RMST: variants seen among roughly 807,000 people sequenced by gnomAD.
RMST encodes the protein rhabdomyosarcoma 2 associated transcript, also known as long intergenic non-protein coding RNA 54.
chr12:97,470,232 T>A (rs1314230736), intron 5 of RMST, among the ~76,000 whole-genome samples: 1 of 152,120 alleles, frequency 6.6e-6, no homozygotes, highest in Non-Finnish European at 1.5e-5. Flanking sequence ...AGCGAGATAA[T>A]GCTCCACATT....
intron 10 of RMST, among the ~76,000 whole-genome samples, chr12:97,496,827 C>T (rs1212615383): frequency 6.6e-6 from 1 of 152,148 alleles, no homozygotes; most frequent in East Asian, 1.9e-4. Context: ...TGAATATTAT[C>T]AGTTTGCATT....
rs1305245294 is a variant in RMST, at chr12:97,528,932, G to A, written n.1341-1723G>A. Among the ~76,000 whole-genome samples the A allele has an allele frequency of 3.3e-5, 5 of 152,082 alleles. No individual in the cohort carries two copies. In the South Asian group the frequency reaches 1.0e-3, roughly 32 times the overall value. ...ATATCACAGATTCTTTGTCCTTGACGTTGTGCCACAACACACTCTTGTCCT... is the reference window on the plus strand; with the variant it reads ...ATATCACAGATTCTTTGTCCTTGACATTGTGCCACAACACACTCTTGTCCT... On this transcript the variant is annotated intron_variant and non_coding_transcript_variant, in intron 10 of 13. Coordinates refer to ENST00000640149, the Ensembl canonical transcript of RMST.
chr12:97,540,176 T>C (rs1175222485), intron 11 of RMST, among the ~76,000 whole-genome samples: 2 of 151,698 alleles, frequency 1.3e-5, no homozygotes, highest in African/African-American at 2.4e-5. Context: ...GTCACAGCTT[T>C]ACCACTGAGT....
At chr12:97,538,872 AAAATGATTCAC>A (rs1422557952) in intron 11 of RMST, among the ~76,000 whole-genome samples, 1 of 151,462 alleles carries the variant, frequency 6.6e-6, no homozygotes. Context: ...AAAATTTGTG[AAAATGATTCAC>A]AAATGATTCA....
intron 11 of RMST, among the ~76,000 whole-genome samples, chr12:97,558,749 G>T (rs1883888384): frequency 6.6e-6 from 1 of 152,116 alleles, no homozygotes; most frequent in African/African-American, 2.4e-5. Flanking sequence ...TTCAATTTGT[G>T]TCTCAGGGAA....
intron 9 of RMST, among the ~76,000 whole-genome samples, chr12:97,495,580 A>G (rs1599851): frequency 6.6e-6 from 1 of 151,726 alleles, no homozygotes. Flanking sequence ...CCTGTATACT[A>G]TACTAAAATC....
intron 10 of RMST, among the ~76,000 whole-genome samples, chr12:97,503,576 T>A (rs1305982340): frequency 1.3e-5 from 2 of 151,896 alleles, no homozygotes; most frequent in African/African-American, 4.8e-5. Context: ...AAAAAGATAA[T>A]GTTTAACAAT....
At chr12:97,484,177 C>G (rs1358021554) in intron 5 of RMST, among the ~76,000 whole-genome samples, 1 of 152,108 alleles carries the variant, frequency 6.6e-6, no homozygotes, top group Non-Finnish European at 1.5e-5. Flanking sequence ...CAAATATGTC[C>G]TCAGTTCTTA....
chr12:97,463,733 C>T (rs1872850263), intron 4 of RMST, among the ~76,000 whole-genome samples: 1 of 152,204 alleles, frequency 6.6e-6, no homozygotes, highest in African/African-American at 2.4e-5. Context: ...GTAATATCTA[C>T]GTGAGCTGTC....
At chr12:97,563,145 T>C (rs1884253154) in intron 13 of RMST, 2 of 152,266 alleles carry the variant, frequency 1.3e-5, no homozygotes, top group South Asian at 4.1e-4. Context: ...TCTTGGTCTT[T>C]GGACCTGAGT....
intron 11 of RMST, among the ~76,000 whole-genome samples, chr12:97,545,960 A>T (rs1475110554): frequency 6.6e-6 from 1 of 152,154 alleles, no homozygotes; most frequent in Non-Finnish European, 1.5e-5. Context: ...CAAGTGACAT[A>T]AACACTTCAG....
chr12:97,550,146 C>A (rs991567683), intron 11 of RMST, among the ~76,000 whole-genome samples: 3 of 152,166 alleles, frequency 2.0e-5, no homozygotes, highest in Non-Finnish European at 4.4e-5. Flanking sequence ...ATATATAGCA[C>A]TTTGGGAGGC....
chr12:97,528,058 A>G (rs1750107692), intron 10 of RMST, among the ~76,000 whole-genome samples: 1 of 152,082 alleles, frequency 6.6e-6, no homozygotes, highest in Non-Finnish European at 1.5e-5. Context: ...CTGTGAGGTA[A>G]GTATTACAAT....
intron 11 of RMST, among the ~76,000 whole-genome samples, chr12:97,545,307 T>C (rs1479371708): frequency 1.3e-5 from 2 of 152,082 alleles, no homozygotes; most frequent in Non-Finnish European, 2.9e-5. Flanking sequence ...TGTTTTCTTC[T>C]TTCCACAGTC....
chr12:97,546,306 G>T lies in RMST; in HGVS notation n.1546-14231G>T, dbSNP rs149017507. The stretch of plus-strand genomic sequence containing the variant: ...GTTTTAAATCAAGGAAATGGGCTGG[G>T]TGTGGTGGCTTACACCTGTAATTCC... On this transcript the variant is annotated intron_variant and non_coding_transcript_variant, in intron 11 of 13. Transcript: ENST00000640149. Among the ~76,000 whole-genome samples, 11 of 152,246 alleles carry T rather than the reference G, an allele frequency of 7.2e-5. No individual in the cohort carries two copies. In the East Asian group the frequency reaches 9.7e-4, roughly 13 times the overall value.
At chr12:97,504,982 G>A (rs1404279376) in intron 10 of RMST, among the ~76,000 whole-genome samples, 1 of 152,126 alleles carries the variant, frequency 6.6e-6, no homozygotes, top group Non-Finnish European at 1.5e-5. Context: ...GGTCGCCCCT[G>A]TTAGAGAGTC....
intron 5 of RMST, among the ~76,000 whole-genome samples, chr12:97,465,894 T>A (rs1414451387): frequency 6.6e-6 from 1 of 152,230 alleles, no homozygotes; most frequent in Non-Finnish European, 1.5e-5. Context: ...TTAGTCATTT[T>A]CTGAAGATTG....
At chr12:97,539,815 C>A (rs1201047606) in intron 11 of RMST, among the ~76,000 whole-genome samples, 2 of 151,516 alleles carry the variant, frequency 1.3e-5, no homozygotes, top group East Asian at 1.9e-4. Context: ...AATCACCCAA[C>A]CTCAGTGTGC....
In RMST at chr12:97,513,016, C is replaced by CGG. The variant is rs1339028403; in HGVS notation, n.1340+16961_1340+16962dup. 2.0e-5 allele frequency among the ~76,000 whole-genome samples: 3 copies of CGG among 152,344 alleles called. No individual in the cohort carries two copies. The East Asian group carries it at 5.8e-4, about 29-fold the overall frequency. On this transcript the variant is annotated intron_variant and non_coding_transcript_variant, in intron 10 of 13. Coordinates refer to ENST00000640149, the Ensembl canonical transcript of RMST. ...AAGCCCCTCACTGCCTGGGGCCTGC[C>CGG]GGCCGGCCGCTCCAACTGCGGGGTC...
Sources: allele counts gnomAD v4.1 joint callset (sites outside exome capture counted in the v4.1 genomes callset), GRCh38; gene constraint gnomAD v4.1.1; transcripts MANE v1.5; gene names NCBI Gene and HGNC (gene_info 2026-07-23, HGNC 2026-07-21).